The following CA4 variants were observed in gnomAD, a reference collection of about 807,000 sequenced individuals.
CA4 encodes carbonic anhydrase 4, also known as CA-IV.
CA4 carries 24 observed loss-of-function variants against 34.5 expected under a neutral mutation model. The observed-to-expected ratio is 0.70, with a 90% confidence interval of 0.50 to 0.98. CA4 has a LOEUF of 0.98. Ranked by LOEUF, CA4 falls within the 50% of genes least tolerant of loss-of-function variation. CA4 has a pLI of 0.00. For synonymous variants in CA4, 178 were observed against 170.6 expected (o/e 1.04, Z -0.34); for missense variants, 394 against 396.7 (o/e 0.99, Z 0.06).
At chr17:60,165,200 G>C (rs2083842961) in intron 5 of CA4, among the ~76,000 whole-genome samples, 1 of 152,164 alleles carries the variant, frequency 6.6e-6, no homozygotes, top group Admixed American at 6.5e-5. Flanking sequence ...CTGATCTGTG[G>C]TTGGTGGCAG....
At chr17:60,157,125 C>T (rs946709947) in intron 3 of CA4, among the ~76,000 whole-genome samples, 10 of 152,138 alleles carry the variant, frequency 6.6e-5, no homozygotes, top group Non-Finnish European at 1.5e-5. Context: ...GACATTACCC[C>T]GAGGACACCA....
intron 5 of CA4, among the ~76,000 whole-genome samples, chr17:60,165,042 G>A (rs1311720262): frequency 1.3e-5 from 2 of 152,142 alleles, no homozygotes; most frequent in South Asian, 2.1e-4. Context: ...ACAAGATGCC[G>A]GGACAAGAGG....
At chr17:60,162,553 A>ACG (rs569745958), downstream of CA4, among the ~76,000 whole-genome samples, 1 of 150,270 alleles carries the variant, frequency 6.7e-6, no homozygotes, top group Non-Finnish European at 1.5e-5. Flanking sequence ...GGGTACACAC[A>ACG]CACACACACA....
intron 1 of CA4, among the ~76,000 whole-genome samples, chr17:60,154,874 C>T (rs575146231): frequency 1.3e-5 from 2 of 152,332 alleles, no homozygotes; most frequent in East Asian, 1.9e-4. Context: ...GGGAAGGCTG[C>T]CCGGTTGAAC....
downstream of CA4, among the ~76,000 whole-genome samples, chr17:60,164,007 T>A (rs1446435044): frequency 6.6e-6 from 1 of 151,882 alleles, no homozygotes; most frequent in Non-Finnish European, 1.5e-5. Context: ...GGCACGCCTA[T>A]GGTCCCAGTT....
At chr17:60,155,232 T>A in intron 1 of CA4, 82 bp from the exon 2 acceptor site, 1 of 1,340,642 alleles carries the variant, frequency 7.5e-7, no homozygotes, top group African/African-American at 1.5e-5. Flanking sequence ...ACCCCAGGGG[T>A]AGGCCCAGCC....
chr17:60,168,896 G>A (rs926551334), intron 5 of CA4, among the ~76,000 whole-genome samples: 8 of 152,156 alleles, frequency 5.3e-5, no homozygotes, highest in Admixed American at 3.9e-4. Context: ...TCATTACAGC[G>A]AGTGACCTTT....
chr17:60,160,115 G>A (rs540447350), downstream of CA4, among the ~76,000 whole-genome samples: 1 of 152,294 alleles, frequency 6.6e-6, no homozygotes, highest in East Asian at 1.9e-4. Flanking sequence ...ACTCCAGCCT[G>A]GGCAACAGAG....
chr17:60,168,164 G>A (rs1362918024), intron 5 of CA4, among the ~76,000 whole-genome samples: 7 of 147,968 alleles, frequency 4.7e-5, no homozygotes, highest in African/African-American at 1.7e-4. Flanking sequence ...TAAGGAGAAT[G>A]GAAGCCGCAT....
chr17:60,164,027 G>A (rs1341977967), downstream of CA4, among the ~76,000 whole-genome samples: 2 of 151,802 alleles, frequency 1.3e-5, no homozygotes, highest in Admixed American at 6.6e-5. Flanking sequence ...TACTTGAGAG[G>A]CTGAGGTGGG....
rs2083725178 is a variant in CA4 at position 60,158,074 on chromosome 17, T to C, written c.527T>C (p.Val176Ala). The C allele has an allele frequency of 6.2e-7, 1 of 1,613,558 alleles. No individual in the cohort carries two copies. The highest frequency in any genetic ancestry group is 8.5e-7 in the Non-Finnish European group (1 of 1,179,868). ...CTCCCTTTCCAGGCTGGAACCCAGG[T>C]GAACGAGGGCTTCCAGCCACTGGTG... ...LAFLVEAGTQVNEGFQPLVEA... is the reference protein window; with the variant it reads ...LAFLVEAGTQANEGFQPLVEA... The change falls in exon 6 of 8, where the codon GTG (valine) becomes GCG (alanine). Residue 176 changes from valine (V) to alanine (A), a missense_variant. Val to Ala is a moderately conservative substitution (Grantham distance 64). Transcript: ENST00000300900.
intron 6 of CA4, 34 bp from the exon 7 acceptor site, chr17:60,158,244 TCCCAC>T: frequency 6.2e-7 from 1 of 1,612,010 alleles, no homozygotes; most frequent in Middle Eastern, 1.7e-4. Flanking sequence ...GGGCTCCTTC[TCCCAC>T]CCTCACTGAC....
At chr17:60,160,689 T>C (rs1446879659), downstream of CA4, among the ~76,000 whole-genome samples, 3 of 148,258 alleles carry the variant, frequency 2.0e-5, no homozygotes, top group African/African-American at 5.0e-5. Context: ...AGGCAGAGTT[T>C]GCAGTAAGCC....
downstream of CA4, among the ~76,000 whole-genome samples, chr17:60,174,975 G>A (rs554469903): frequency 1.4e-4 from 22 of 152,254 alleles, no homozygotes; most frequent in African/African-American, 5.3e-4. Flanking sequence ...CTCTCTCAAC[G>A]CATAGGGCCA....
At position 60,159,224 on chromosome 17, in the gene CA4, C is replaced by A; in HGVS notation, c.745-6C>A. 6.3e-7 allele frequency: 1 copy of A among 1,593,944 alleles called. No individual in the cohort carries two copies. The highest frequency in any genetic ancestry group is 1.3e-5 in the African/African-American group (1 of 74,446). ...CCCGACCTGCTGAGCCCCATCACTT[C>A]CGCAGATCCTGGCATTCTCTCAGAA... is the stretch of plus-strand genomic sequence containing the variant. On this transcript the variant is annotated splice_polypyrimidine_tract_variant and splice_region_variant and intron_variant, in intron 7 of 7. Transcript: ENST00000300900.
At chr17:60,169,914 T>C (rs925247270) in intron 5 of CA4, among the ~76,000 whole-genome samples, 3 of 152,262 alleles carry the variant, frequency 2.0e-5, no homozygotes, top group African/African-American at 7.2e-5. Context: ...TGAATACATA[T>C]CAGTTTTGGA....
chr17:60,171,863 G>A (rs2083913885), downstream of CA4, among the ~76,000 whole-genome samples: 2 of 152,206 alleles, frequency 1.3e-5, no homozygotes, highest in African/African-American at 4.8e-5. Flanking sequence ...AATATTCACA[G>A]GGGGAACCGA....
At chr17:60,164,491 G>A (rs894141022), downstream of CA4, among the ~76,000 whole-genome samples, 2 of 151,994 alleles carry the variant, frequency 1.3e-5, no homozygotes, top group African/African-American at 4.8e-5. Context: ...CTGAGTTCAA[G>A]TGATTCTCCT....
At chr17:60,173,802 G>T (rs772945440), downstream of CA4, among the ~76,000 whole-genome samples, 2 of 152,210 alleles carry the variant, frequency 1.3e-5, no homozygotes, top group Non-Finnish European at 2.9e-5. Flanking sequence ...AAATCTGGGT[G>T]TAATAGGCAC....
Sources: allele counts gnomAD v4.1 joint callset (sites outside exome capture counted in the v4.1 genomes callset), GRCh38; gene constraint gnomAD v4.1.1; transcripts MANE v1.5; gene names NCBI Gene and HGNC (gene_info 2026-07-23, HGNC 2026-07-21).